The following AFF2 variants were observed in gnomAD, a reference collection of about 807,000 sequenced individuals.
AFF2 encodes AF4/FMR2 family member 2.
Under a neutral mutation model 76.9 loss-of-function variants are expected in AFF2, and 14 were observed. That is an observed-to-expected ratio of 0.18 (90% CI 0.12 to 0.28). The LOEUF (loss-of-function observed/expected upper bound fraction) is 0.28. Ranked by LOEUF, AFF2 falls within the 10% of genes least tolerant of loss-of-function variation. The pLI, the probability that AFF2 is intolerant of heterozygous loss-of-function variation, is 1.00. For missense variants in AFF2, 868 were observed against 1,001.1 expected (o/e 0.87, Z 1.79); for synonymous variants, 398 against 366.7 (o/e 1.09, Z -0.98).
chrX:148,737,553 C>G (rs183372327), intron 3 of AFF2, among the ~76,000 whole-genome samples: 12 of 111,383 alleles, frequency 1.1e-4, no homozygotes, highest in African/African-American at 3.6e-4. Context: ...ATGATCATAT[C>G]ATCAGCAAAC....
intron 4 of AFF2, among the ~76,000 whole-genome samples, chrX:148,836,402 G>C (rs186589434): frequency 1.9e-3 from 214 of 111,155 alleles, no homozygotes; most frequent in Non-Finnish European, 3.3e-3. Context: ...AGTAATTATA[G>C]AAGGAAAAAA....
chrX:148,758,873 A>G (rs1001519360), intron 3 of AFF2, among the ~76,000 whole-genome samples: 6 of 111,632 alleles, frequency 5.4e-5, no homozygotes, highest in African/African-American at 2.0e-4. Context: ...ATTGATACAT[A>G]TTTCCCAACT....
intron 15 of AFF2, among the ~76,000 whole-genome samples, chrX:148,969,137 T>C (rs1394296651): frequency 8.9e-6 from 1 of 112,904 alleles, no homozygotes; most frequent in Non-Finnish European, 1.9e-5. Context: ...TATATACATA[T>C]GATTATGAAC....
chrX:148,869,701 G>C (rs1423322608), intron 7 of AFF2, among the ~76,000 whole-genome samples: 2 of 112,081 alleles, frequency 1.8e-5, no homozygotes, highest in Non-Finnish European at 3.8e-5. Flanking sequence ...AAGTTGGAAG[G>C]CTTAAAGCAA....
intron 1 of AFF2, among the ~76,000 whole-genome samples, chrX:148,507,448 C>G (rs1445620625): frequency 8.9e-6 from 1 of 111,992 alleles, no homozygotes; most frequent in East Asian, 2.8e-4. Flanking sequence ...GTGTCTCAAT[C>G]TGCATTGAGA....
At chrX:148,510,612 A>G (rs1319331752) in intron 1 of AFF2, among the ~76,000 whole-genome samples, 4 of 112,006 alleles carry the variant, frequency 3.6e-5, no homozygotes, top group Non-Finnish European at 7.5e-5. Context: ...GACTTTCCAG[A>G]TATCTACTCC....
At chrX:148,748,362 C>T (rs1014314952) in intron 3 of AFF2, among the ~76,000 whole-genome samples, 14 of 111,691 alleles carry the variant, frequency 1.3e-4, no homozygotes, top group African/African-American at 4.6e-4. Context: ...GTTTTTCTTT[C>T]CCCTTCAAGG....
intron 3 of AFF2, among the ~76,000 whole-genome samples, chrX:148,702,307 A>G (rs2054809883): frequency 8.9e-6 from 1 of 111,839 alleles, no homozygotes; most frequent in Admixed American, 9.5e-5. Context: ...TCCTTGTCAG[A>G]AATATTGAGT....
chrX:148,813,756 T>C (rs1177655914), intron 4 of AFF2, among the ~76,000 whole-genome samples: 1 of 112,237 alleles, frequency 8.9e-6, no homozygotes, highest in Non-Finnish European at 1.9e-5. Flanking sequence ...TGCTTTATGA[T>C]TAACATTATA....
rs983175315 is a variant in AFF2 at position 148,594,102 on chromosome X, G to A, written c.48-57897G>A. Among the ~76,000 whole-genome samples, 6 of 110,563 alleles carry A rather than the reference G, an allele frequency of 5.4e-5. No homozygotes were observed. The East Asian group carries it at 1.4e-3, about 26-fold the overall frequency. On this transcript the variant is annotated intron_variant, in intron 1 of 20. Transcript: ENST00000370460. ...GTAAAAAGAATAGGCTGGGAATTTC[G>A]GTTTATGAAACATCAGAGTCAGTTG...
intron 1 of AFF2, among the ~76,000 whole-genome samples, chrX:148,620,908 T>C (rs2053861397): frequency 1.8e-5 from 2 of 112,018 alleles, no homozygotes; most frequent in South Asian, 7.4e-4. Flanking sequence ...GTCTGCCCTT[T>C]GTTGGTGATT....
At chrX:148,794,577 C>T (rs2069942337) in intron 3 of AFF2, among the ~76,000 whole-genome samples, 1 of 111,954 alleles carries the variant, frequency 8.9e-6, no homozygotes, top group Non-Finnish European at 1.9e-5. Context: ...TTCCAAGGTA[C>T]AGACTGTCTG....
intron 1 of AFF2, among the ~76,000 whole-genome samples, chrX:148,553,284 G>A: frequency 9.0e-6 from 1 of 111,677 alleles, no homozygotes; most frequent in Non-Finnish European, 1.9e-5. Context: ...ACAATTTTAA[G>A]TTTTTTTGCA....
intron 9 of AFF2, among the ~76,000 whole-genome samples, chrX:148,947,129 C>T (rs1452707325): frequency 3.6e-5 from 4 of 111,482 alleles, no homozygotes; most frequent in African/African-American, 6.5e-5. Context: ...TAAATTGAGG[C>T]GGCTCTATTT....
intron 3 of AFF2, among the ~76,000 whole-genome samples, chrX:148,804,624 A>G (rs1226998085): frequency 8.9e-6 from 1 of 112,794 alleles, no homozygotes; most frequent in Non-Finnish European, 1.9e-5. Flanking sequence ...GCAGTATTTT[A>G]AAGTAAACAC....
Position 148,987,517 on chromosome X carries a change from A to G in AFF2, c.3774A>G (p.Glu1258=). 8.3e-7 allele frequency: 1 copy of G among 1,211,603 alleles called. No individual in the cohort carries two copies. Among genetic ancestry groups the G allele is most frequent in the Non-Finnish European group, 1.1e-6 (1 of 895,340 alleles). The change falls in exon 20 of 21, where the codon GAA becomes GAG. Residue 1258 remains glutamate, a synonymous_variant. Coordinates refer to ENST00000370460, the MANE Select transcript of AFF2 (RefSeq NM_002025.4). ...CTAGCAATGTGTTACGGGGCTATGA[A>G]CACTGGGATATGGCCGACAAACTGA... The part of the protein sequence containing the change: ...NITSNVLRGY[E]HWDMADKLTR...
intron 9 of AFF2, among the ~76,000 whole-genome samples, chrX:148,920,101 A>G (rs1557283031): frequency 1.8e-5 from 2 of 112,284 alleles, no homozygotes; most frequent in African/African-American, 6.5e-5. Flanking sequence ...TAAGTCAAGC[A>G]TTGCCTAGAC....
In AFF2 at chrX:148,632,510, C is replaced by T. The variant is rs143752795; in HGVS notation, c.48-19489C>T. On this transcript the variant is annotated intron_variant, in intron 1 of 20. Transcript: ENST00000370460. Reference sequence around the variant, plus strand: ...TGAAATATAAACACTGCTAAGTGTGCAGTTCCAGCTTGTACTTATGTGTTG... The same window carrying T: ...TGAAATATAAACACTGCTAAGTGTGTAGTTCCAGCTTGTACTTATGTGTTG... Among the ~76,000 whole-genome samples the T allele has an allele frequency of 3.4e-3, 376 of 111,404 alleles. 2 individuals are homozygous for T. The highest frequency in any genetic ancestry group is 0.012 in the African/African-American group (362 of 30,655).
chrX:148,760,346 G>T, intron 3 of AFF2, among the ~76,000 whole-genome samples: 1 of 111,915 alleles, frequency 8.9e-6, no homozygotes, highest in Admixed American at 9.5e-5. Context: ...TTTTCTATGG[G>T]CCTTCTTAAA....
Sources: gnomAD v4.1 joint callset for allele counts (sites outside exome capture counted in the v4.1 genomes callset) on GRCh38, gnomAD v4.1.1 for gene constraint, MANE v1.5 for transcripts, NCBI Gene and HGNC (gene_info 2026-07-23, HGNC 2026-07-21) for gene names.